COL18A1: variants seen among roughly 807,000 people sequenced by gnomAD.
COL18A1 encodes the protein collagen alpha-1(XVIII) chain.
A neutral mutation model predicts 168.0 loss-of-function variants in COL18A1; 133 were observed. The ratio of observed to expected loss-of-function variants is 0.79; its 90% confidence interval spans 0.69 to 0.91. The LOEUF (loss-of-function observed/expected upper bound fraction) is 0.91, where lower values mean the gene tolerates loss of function less well. Among genes scored for constraint, COL18A1 ranks in the 40% least tolerant of loss-of-function variants. COL18A1 has a pLI of 0.00. For synonymous variants in COL18A1, 949 were observed against 809.0 expected (o/e 1.17, Z -2.94); for missense variants, 2,126 against 1,925.4 (o/e 1.10, Z -1.95).
rs866701111 is a variant in COL18A1, at chr21:45,443,160, G to A, written c.107-25082G>A. 5.5e-5 allele frequency among the ~76,000 whole-genome samples: 7 copies of A among 128,030 alleles called. No homozygotes were observed. The highest frequency in any genetic ancestry group is 1.2e-4 in the Non-Finnish European group (7 of 59,532). The allele number at this position is 128,030 out of a possible 152,430, so 84.0% of individuals were successfully genotyped here. A position where few individuals can be genotyped will look rare whatever the true frequency, so the allele number is the denominator to read the frequency against. On this transcript the variant is annotated intron_variant, in intron 2 of 41. Coordinates refer to ENST00000651438, the MANE Select transcript of COL18A1 (RefSeq NM_001379500.1). This position sits in a 1 kb window ranked among gnomAD's most constrained non-coding sequence, Gnocchi z 5.2. ...CGGCGGTGCTGGTGTGGGCGGCGGT[G>A]CTGGTGTGGGTGGATTCCTGGAGGA...
intron 2 of COL18A1, among the ~76,000 whole-genome samples, chr21:45,416,640 A>G (rs1379372707): frequency 6.6e-6 from 1 of 152,260 alleles, no homozygotes; most frequent in East Asian, 1.9e-4. Context: ...GTCACCCGGC[A>G]TCTCTTAGAT....
Position 45,504,451 on chromosome 21 carries a change from AG to A in COL18A1, c.2765del (p.Gly922AlafsTer109). The A allele has an allele frequency of 1.2e-6, 2 of 1,611,560 alleles. No homozygotes were observed. Among genetic ancestry groups the A allele is most frequent in the Non-Finnish European group, 1.7e-6 (2 of 1,179,316 alleles). On this transcript the variant is annotated frameshift_variant, in exon 34 of 42. Transcript: ENST00000651438. LOFTEE classifies it high-confidence loss of function. ...GAGACCGAGGTGATGCAGGACAGAAAGGCGAAAGGGGGGAGCCCGGGGGCGG... is the reference window on the plus strand; with the variant it reads ...GAGACCGAGGTGATGCAGGACAGAAAGCGAAAGGGGGGAGCCCGGGGGCGG... ...KGDRGDAGQKGERGEPGGGGF... is the reference protein window; with the variant it reads ...KGDRGDAGQKXERGEPGGGGF...
intron 2 of COL18A1, among the ~76,000 whole-genome samples, chr21:45,428,784 C>T (rs1434764901): frequency 6.6e-6 from 1 of 152,200 alleles, no homozygotes; most frequent in African/African-American, 2.4e-5. Context: ...TGCAGACCCA[C>T]AATTCATCCC....
At chr21:45,454,984 C>T (rs910394299) in intron 2 of COL18A1, among the ~76,000 whole-genome samples, 1 of 152,222 alleles carries the variant, frequency 6.6e-6, no homozygotes, top group African/African-American at 2.4e-5. Context: ...CCCTCGAGAC[C>T]CTCCCCGGGA....
rs915024418 is a variant in COL18A1, at chr21:45,445,118, C to T, written c.107-23124C>T. On this transcript the variant is annotated intron_variant, in intron 2 of 41. Transcript: ENST00000651438. ...TCACTCCAGAGAGAAGCCTTTCCGC[C>T]GCCCTCCCTCCCTCCAGTCCTGGCC... 3.9e-5 allele frequency among the ~76,000 whole-genome samples: 6 copies of T among 152,214 alleles called. No homozygotes were observed. In the East Asian group the frequency reaches 7.7e-4, roughly 20 times the overall value.
rs756318040 is a variant in COL18A1 at position 45,493,584 on chromosome 21, C to T, written c.2352+9C>T. The T allele has an allele frequency of 9.0e-6, 14 of 1,549,260 alleles. No individual in the cohort carries two copies. Among genetic ancestry groups the T allele is most frequent in the East Asian group, 4.9e-5 (2 of 40,992 alleles). ...CCCAGAAAGGAGCCAAGGTGAGGGC[C>T]GGGCAGCCTCCTTCCGGCAGGCGTG... is the stretch of plus-strand genomic sequence containing the variant. On this transcript the variant is annotated intron_variant, in intron 26 of 41. Coordinates refer to ENST00000651438, the MANE Select transcript of COL18A1 (RefSeq NM_001379500.1).
At position 45,466,438 on chromosome 21, in the gene COL18A1, C is replaced by T. The variant is rs140995775; in HGVS notation, c.107-1804C>T. ...GGTGGTCCAGCAGGAGGGGCCGCCC[C>T]ACCATACCCAGGAAGGTTGAGCTCT... is the stretch of plus-strand genomic sequence containing the variant. On this transcript the variant is annotated intron_variant, in intron 2 of 41. Coordinates refer to ENST00000651438, the MANE Select transcript of COL18A1 (RefSeq NM_001379500.1). 8.5e-3 allele frequency among the ~76,000 whole-genome samples: 1,297 copies of T among 152,288 alleles called. 17 individuals are homozygous for T. Among genetic ancestry groups the T allele is most frequent in the African/African-American group, 0.03 (1,239 of 41,536 alleles).
intron 9 of COL18A1, among the ~76,000 whole-genome samples, chr21:45,478,670 G>C (rs113818326): frequency 0.061 from 9,324 of 151,774 alleles, 311 homozygotes; most frequent in South Asian, 0.081. Context: ...GCAGGGGGTG[G>C]TGCAAGTCGG....
At chr21:45,483,638 G>A (rs1310778878) in intron 15 of COL18A1, among the ~76,000 whole-genome samples, 4 of 152,110 alleles carry the variant, frequency 2.6e-5, no homozygotes, top group Non-Finnish European at 4.4e-5. Flanking sequence ...TCCGTGGGCC[G>A]CCCACTCGAA....
At position 45,487,449 on chromosome 21, in the gene COL18A1, T is replaced by C; in HGVS notation, c.1836T>C (p.Asp612=). The C allele has an allele frequency of 6.2e-7, 1 of 1,612,900 alleles. No homozygotes were observed. Among genetic ancestry groups the C allele is most frequent in the Non-Finnish European group, 8.5e-7 (1 of 1,179,956 alleles). Residue 612 remains aspartate (D), a splice_region_variant and synonymous_variant, in exon 17 of 42, where the codon GAT becomes GAC. Coordinates refer to ENST00000651438, the MANE Select transcript of COL18A1 (RefSeq NM_001379500.1). ...PPGPGLPAGF[D]DMEGSGGPFW... Reference sequence around the variant, plus strand: ...CGTGTCTCGTGTGTCTCTTCCAGGATGACATGGAAGGCTCCGGGGGGCCCT... The same window carrying C: ...CGTGTCTCGTGTGTCTCTTCCAGGACGACATGGAAGGCTCCGGGGGGCCCT...
rs374924293 is a variant in COL18A1 at position 45,491,208 on chromosome 21, G to C, written c.2068-17G>C. On this transcript the variant is annotated splice_polypyrimidine_tract_variant and intron_variant, in intron 21 of 41. Coordinates refer to ENST00000651438, the MANE Select transcript of COL18A1 (RefSeq NM_001379500.1). ...GCGGTTGAGATGAAATGCCGGACGCGTGGCCTCCTCTTCCAGGGAGATCCA... is the reference window on the plus strand; with the variant it reads ...GCGGTTGAGATGAAATGCCGGACGCCTGGCCTCCTCTTCCAGGGAGATCCA... 1.4e-5 allele frequency: 22 copies of C among 1,602,562 alleles called. No individual in the cohort carries two copies. The highest frequency in any genetic ancestry group is 1.9e-5 in the Non-Finnish European group (22 of 1,170,910).
chr21:45,493,155 C>A lies in COL18A1; in HGVS notation c.2215-8C>A. 2 of 1,555,106 alleles carry A rather than the reference C, an allele frequency of 1.3e-6. No homozygotes were observed. The highest frequency in any genetic ancestry group is 1.7e-4 in the Middle Eastern group (1 of 5,872). The stretch of plus-strand genomic sequence containing the variant: ...CGCTCGGGCCTCACGGCCTGGCCTC[C>A]ATTCCAGGGACCTGCAGGACCCAAG... On this transcript the variant is annotated splice_region_variant and splice_polypyrimidine_tract_variant and intron_variant, in intron 24 of 41. Transcript: ENST00000651438.
chr21:45,471,048 C>A lies in COL18A1; in HGVS notation c.651+2262C>A, dbSNP rs548506659. ...GGCTTGTGCTGCTGGGTGTGGGTGG[C>A]GCGCTACGGGCCTTGTGCTGCTGGG... On this transcript the variant is annotated intron_variant, in intron 3 of 41. Coordinates refer to ENST00000651438, the MANE Select transcript of COL18A1 (RefSeq NM_001379500.1). The surrounding 1 kb of genome is among the most constrained non-coding windows in gnomAD (Gnocchi z 4.4). 6.8e-6 allele frequency among the ~76,000 whole-genome samples: 1 copy of A among 146,172 alleles called. No individual in the cohort carries two copies. The highest frequency in any genetic ancestry group is 1.5e-5 in the Non-Finnish European group (1 of 67,224).
At chr21:45,486,281 G>GAGGTAACGAGGGTGCCGTGTGCACC in intron 15 of COL18A1, among the ~76,000 whole-genome samples, 1 of 148,622 alleles carries the variant, frequency 6.7e-6, no homozygotes, top group East Asian at 2.0e-4. Flanking sequence ...GCCAGGGCTG[G>GAGGTAACGAGGGTGCCGTGTGCACC]TCCCAGGGTC....
At chr21:45,485,165 T>TTC (rs1190929558) in intron 15 of COL18A1, among the ~76,000 whole-genome samples, 4 of 141,490 alleles carry the variant, frequency 2.8e-5, no homozygotes, top group Non-Finnish European at 6.2e-5. Flanking sequence ...TTTTTTTTTT[T>TTC]TTTTTTTTTT....
intron 4 of COL18A1, among the ~76,000 whole-genome samples, chr21:45,474,901 G>C (rs2035587757): frequency 6.6e-6 from 1 of 152,110 alleles, no homozygotes; most frequent in Non-Finnish European, 1.5e-5. Context: ...CATGCCAGAA[G>C]ACGCCAGATC....
At chr21:45,509,245 C>T in intron 38 of COL18A1, 111 bp from the exon 39 acceptor site, 4 of 1,433,638 alleles carry the variant, frequency 2.8e-6, no homozygotes, top group Non-Finnish European at 2.8e-6. Context: ...CAGCTCCCTG[C>T]TTGCCAGTTC....
At chr21:45,465,428 T>C (rs372854143) in intron 2 of COL18A1, among the ~76,000 whole-genome samples, 2 of 152,218 alleles carry the variant, frequency 1.3e-5, no homozygotes, top group East Asian at 3.9e-4. Context: ...GTGTTTGTTC[T>C]GAGGCCGTTT....
chr21:45,437,141 C>T (rs1252939036), intron 2 of COL18A1, among the ~76,000 whole-genome samples: 7 of 92,628 alleles, frequency 7.6e-5, no homozygotes, highest in Non-Finnish European at 1.5e-4. Context: ...GCACTCTCCA[C>T]ACACACTCAC....
Sources: gnomAD v4.1 joint callset for allele counts (sites outside exome capture counted in the v4.1 genomes callset) on GRCh38, gnomAD v4.1.1 for gene constraint, Gnocchi (gnomAD v3.1) non-coding constraint, MANE v1.5 for transcripts, NCBI Gene and HGNC (gene_info 2026-07-23, HGNC 2026-07-21) for gene names.